PSPC1: variants seen among roughly 807,000 people sequenced by gnomAD.
The protein encoded by PSPC1 is paraspeckle protein 1.
A neutral mutation model predicts 51.6 loss-of-function variants in PSPC1; 14 were observed. The ratio of observed to expected loss-of-function variants is 0.27; its 90% CI spans 0.18 to 0.42. PSPC1 has a LOEUF of 0.42. Ranked by LOEUF, PSPC1 falls within the 10% of genes least tolerant of loss-of-function variation. The probability of loss-of-function intolerance (pLI) is 1.00; values close to 1 mark genes in which losing one functional copy is unlikely to be tolerated. For missense variants in PSPC1, 406 were observed against 701.1 expected, an observed-to-expected ratio of 0.58 and a Z score of 4.75; for synonymous variants, 193 against 231.9, an observed-to-expected ratio of 0.83 and a Z score of 1.53.
intron 7 of PSPC1, chr13:19,675,465 T>C (rs964007315): frequency 6.6e-6 from 1 of 151,880 alleles, no homozygotes; most frequent in Non-Finnish European, 1.5e-5. Context: ...TTTACACTTA[T>C]TCTGGAGATC....
At chr13:19,781,374 T>A (rs75760229) in intron 1 of PSPC1, among the ~76,000 whole-genome samples, 1 of 151,726 alleles carries the variant, frequency 6.6e-6, no homozygotes, top group Non-Finnish European at 1.5e-5. Flanking sequence ...CTTGTTCAAA[T>A]TTTTTTTAAA....
chr13:19,758,873 G>T (rs1244971412), intron 3 of PSPC1, among the ~76,000 whole-genome samples: 1 of 151,496 alleles, frequency 6.6e-6, no homozygotes, highest in Admixed American at 6.6e-5. Context: ...ATGTTATCTA[G>T]ATTTCATCGT....
At chr13:19,777,777 C>G (rs970613643) in intron 1 of PSPC1, among the ~76,000 whole-genome samples, 5 of 152,004 alleles carry the variant, frequency 3.3e-5, no homozygotes, top group African/African-American at 1.2e-4. Flanking sequence ...GAAACCCCAT[C>G]TCTACTAAAA....
At chr13:19,759,114 C>T (rs7985627) in intron 3 of PSPC1, among the ~76,000 whole-genome samples, 101,693 of 151,678 alleles carry the variant, frequency 0.67, 37,311 homozygotes, top group East Asian at 0.89. Flanking sequence ...CACACCACTG[C>T]ACTCCAGCCT....
chr13:19,736,426 G>A (rs1200654483), intron 5 of PSPC1, among the ~76,000 whole-genome samples: 1 of 152,102 alleles, frequency 6.6e-6, no homozygotes, highest in Non-Finnish European at 1.5e-5. Context: ...GCTCAAGCCT[G>A]TAATCCCAGC....
intron 6 of PSPC1, among the ~76,000 whole-genome samples, chr13:19,690,760 C>A (rs889941508): frequency 3.9e-5 from 6 of 152,206 alleles, no homozygotes; most frequent in Admixed American, 2.6e-4. Context: ...TGGTCCCACA[C>A]AGCAGGATAT....
chr13:19,710,031 C>G (rs891520089), intron 6 of PSPC1, among the ~76,000 whole-genome samples: 2 of 152,140 alleles, frequency 1.3e-5, no homozygotes, highest in Non-Finnish European at 2.9e-5. Flanking sequence ...TGTATTTGAA[C>G]ATATAACACA....
intron 1 of PSPC1, among the ~76,000 whole-genome samples, chr13:19,778,291 A>T (rs1454184173): frequency 1.2e-5 from 1 of 84,370 alleles, no homozygotes; most frequent in Non-Finnish European, 3.7e-5. Context: ...TAATTTTTTA[A>T]AAAAGAAAAA....
chr13:19,743,614 A>T (rs1885652240), intron 4 of PSPC1, among the ~76,000 whole-genome samples: 1 of 152,178 alleles, frequency 6.6e-6, no homozygotes, highest in African/African-American at 2.4e-5. Context: ...GATCAGACTC[A>T]ATTGGAAAAC....
rs749463540 is a variant in PSPC1 at position 19,765,344 on chromosome 13, A to AATT, written c.675-5929_675-5927dup. Among the ~76,000 whole-genome samples, 1,099 of 141,330 alleles carry AATT rather than the reference A, an allele frequency of 7.8e-3. 6 individuals are homozygous for AATT. The highest frequency in any genetic ancestry group is 0.021 in the African/African-American group (778 of 37,018). 92.7% of individuals were successfully genotyped at this position (141,330 alleles called of 152,430 possible). A position where few individuals can be genotyped will look rare whatever the true frequency, so the allele number is the denominator to read the frequency against. ...TCTCAAAAATAATAATAATAATAATAATTATTATTATTATTATTATTACCA... is the reference window on the plus strand; with the variant it reads ...TCTCAAAAATAATAATAATAATAATAATTATTATTATTATTATTATTATTACCA... On this transcript the variant is annotated intron_variant, in intron 2 of 8. Transcript: ENST00000338910.
chr13:19,722,333 C>T (rs76200959), intron 6 of PSPC1, among the ~76,000 whole-genome samples: 4,409 of 151,286 alleles, frequency 0.029, 96 homozygotes, highest in Middle Eastern at 0.075. Flanking sequence ...TCCAACTCTA[C>T]AAAAAAAATG....
At chr13:19,762,381 T>C (rs1335214315) in intron 2 of PSPC1, among the ~76,000 whole-genome samples, 2 of 151,516 alleles carry the variant, frequency 1.3e-5, no homozygotes, top group Non-Finnish European at 2.9e-5. Flanking sequence ...TATAGTGAAA[T>C]GCCATCTCTA....
intron 5 of PSPC1, 35 bp downstream of exon 5, chr13:19,741,530 T>C (rs951604657): frequency 1.4e-6 from 2 of 1,417,466 alleles, no homozygotes; most frequent in African/African-American, 1.4e-5. Context: ...TAATAAGACA[T>C]ACAATTCATG....
intron 1 of PSPC1, among the ~76,000 whole-genome samples, chr13:19,781,703 G>A (rs1889986266): frequency 6.6e-6 from 1 of 152,256 alleles, no homozygotes; most frequent in Non-Finnish European, 1.5e-5. Context: ...TAAAGTGGCA[G>A]GCCAAGGCAG....
At chr13:19,679,882 A>G (rs919112179) in intron 6 of PSPC1, among the ~76,000 whole-genome samples, 1 of 152,224 alleles carries the variant, frequency 6.6e-6, no homozygotes, top group Non-Finnish European at 1.5e-5. Flanking sequence ...CAGGATTACT[A>G]AAAACTTTAA....
chr13:19,709,158 C>CAA (rs11446310), intron 7 of PSPC1, among the ~76,000 whole-genome samples: 9,969 of 82,878 alleles, frequency 0.12, 1,021 homozygotes, highest in African/African-American at 0.15. Flanking sequence ...GGTCCTGCCT[C>CAA]AAAAAAAAAA....
chr13:19,776,804 G>C (rs1051915357), intron 1 of PSPC1, among the ~76,000 whole-genome samples: 1 of 149,802 alleles, frequency 6.7e-6, no homozygotes, highest in African/African-American at 2.4e-5. Context: ...ACCGCGCCCG[G>C]CCTACTATAT....
intron 6 of PSPC1, among the ~76,000 whole-genome samples, chr13:19,728,770 T>C (rs1057095746): frequency 1.3e-5 from 2 of 152,150 alleles, no homozygotes; most frequent in African/African-American, 2.4e-5. Context: ...AATAAACTTA[T>C]AGAACACTAG....
intron 6 of PSPC1, among the ~76,000 whole-genome samples, chr13:19,688,962 TAAA>T (rs67276894): frequency 9.2e-5 from 5 of 54,356 alleles, no homozygotes; most frequent in African/African-American, 1.9e-4. Context: ...GATAAACTCT[TAAA>T]AAAAAAAAAA....
Sources: gnomAD v4.1 joint callset for allele counts (sites outside exome capture counted in the v4.1 genomes callset) on GRCh38, gnomAD v4.1.1 for gene constraint, MANE v1.5 for transcripts, NCBI Gene and HGNC (gene_info 2026-07-23, HGNC 2026-07-21) for gene names.